Variants in KCNK5 observed in about 807,000 individuals in gnomAD.
KCNK5 encodes potassium two pore domain channel subfamily K member 5, also known as potassium channel subfamily K member 5.
Under a neutral mutation model 32.9 loss-of-function variants are expected in KCNK5, and 18 were observed. The ratio of observed to expected loss-of-function variants is 0.55; its 90% CI spans 0.38 to 0.81. The LOEUF (loss-of-function observed/expected upper bound fraction) is 0.81. KCNK5 is among the 30% of genes least tolerant of loss of function. The pLI is 0.00. For synonymous variants in KCNK5, 276 were observed against 275.3 expected (o/e 1.00, Z -0.03); for missense variants, 507 against 651.0 (o/e 0.78, Z 2.41).
At chr6:39,204,433 C>T (rs902215629) in intron 1 of KCNK5, among the ~76,000 whole-genome samples, 7 of 152,222 alleles carry the variant, frequency 4.6e-5, no homozygotes, top group African/African-American at 1.7e-4. Flanking sequence ...CAGGTGATAC[C>T]TCCCCTACCT....
Position 39,228,959 on chromosome 6 carries a change from G to C in KCNK5, c.153C>G (p.Cys51Trp). ...QKLHLLKEFP[C>W]LGQEGLDKIL... ...TCTTGTCCAGGCCCTCCTGACCCAG[G>C]CACGGGAACTCCTTGAGCAGATGCA... Residue 51 changes from cysteine (C) to tryptophan (W), a missense_variant, in exon 1 of 5, where the codon TGC (cysteine) becomes TGG (tryptophan). This residue lies in a region of KCNK5 where 143 missense variants were observed against 219.1 expected (regional missense o/e 0.65). Transcript: ENST00000359534. The C allele has an allele frequency of 6.2e-7, 1 of 1,614,164 alleles. No individual in the cohort carries two copies. Among genetic ancestry groups the C allele is most frequent in the Non-Finnish European group, 8.5e-7 (1 of 1,180,018 alleles).
chr6:39,214,720 G>C (rs1262837516), intron 1 of KCNK5, among the ~76,000 whole-genome samples: 1 of 152,132 alleles, frequency 6.6e-6, no homozygotes, highest in African/African-American at 2.4e-5. Flanking sequence ...CTCTGACACG[G>C]GGCAGGGGAG....
In KCNK5 at chr6:39,190,038, A is replaced by T. The variant is rs1348353339; in HGVS notation, c.*852T>A. 1.3e-5 allele frequency: 2 copies of T among 152,564 alleles called. No individual in the cohort carries two copies. The highest frequency in any genetic ancestry group is 4.8e-5 in the African/African-American group (2 of 41,450). 9.5% of individuals were successfully genotyped at this position (152,564 alleles called of 1,614,324 possible). ...AGGAGGGGTAAGGGCAGAACCAGCCAGAGCTGAGCCTCACTCTTGCAGCTC... is the reference window on the plus strand; with the variant it reads ...AGGAGGGGTAAGGGCAGAACCAGCCTGAGCTGAGCCTCACTCTTGCAGCTC... On this transcript the variant is annotated 3_prime_UTR_variant, in exon 5 of 5. Coordinates refer to ENST00000359534, the MANE Select transcript of KCNK5 (RefSeq NM_003740.4).
intron 1 of KCNK5, among the ~76,000 whole-genome samples, chr6:39,214,459 A>G (rs1463772125): frequency 6.6e-6 from 1 of 152,018 alleles, no homozygotes; most frequent in African/African-American, 2.4e-5. Flanking sequence ...AGTTTTCCAG[A>G]TTGTTTCCCA....
chr6:39,206,760 G>A (rs190973677), intron 1 of KCNK5, among the ~76,000 whole-genome samples: 1 of 152,118 alleles, frequency 6.6e-6, no homozygotes, highest in Non-Finnish European at 1.5e-5. Flanking sequence ...GGGTTACCTG[G>A]GGCATGTCTT....
chr6:39,211,272 A>G (rs1036402901), intron 1 of KCNK5, among the ~76,000 whole-genome samples: 6 of 152,318 alleles, frequency 3.9e-5, no homozygotes, highest in Non-Finnish European at 7.3e-5. Context: ...TCAGAGATCA[A>G]TGAAAAAGGA....
chr6:39,228,946 C>A lies in KCNK5; in HGVS notation c.166G>T (p.Gly56Cys). ...LKEFPCLGQE[G>C]LDKILEVVSD... ...CTGACCTCTAGGATCTTGTCCAGGC[C>A]CTCCTGACCCAGGCACGGGAACTCC... Residue 56 changes from glycine (G) to cysteine (C), a missense_variant, in exon 1 of 5, where the codon GGC becomes TGC. Physicochemically the swap from Gly to Cys is radical, Grantham distance 159. Transcript: ENST00000359534. 6.2e-7 allele frequency: 1 copy of A among 1,614,150 alleles called. No individual in the cohort carries two copies. The highest frequency in any genetic ancestry group is 8.5e-7 in the Non-Finnish European group (1 of 1,180,016).
intron 1 of KCNK5, among the ~76,000 whole-genome samples, chr6:39,213,883 G>A (rs140489712): frequency 0.013 from 1,942 of 152,194 alleles, 48 homozygotes; most frequent in African/African-American, 0.045. Flanking sequence ...AAAATTAGCC[G>A]GGTGTGGTGG....
intron 1 of KCNK5, among the ~76,000 whole-genome samples, chr6:39,222,920 C>T (rs1401180075): frequency 2.0e-5 from 3 of 152,146 alleles, no homozygotes; most frequent in Non-Finnish European, 2.9e-5. Flanking sequence ...GGTATAATTT[C>T]AGTTTTGCAA....
At chr6:39,217,118 CAAA>C (rs57204833) in intron 1 of KCNK5, among the ~76,000 whole-genome samples, 106 of 74,436 alleles carry the variant, frequency 1.4e-3, no homozygotes, top group Non-Finnish European at 2.1e-3. Context: ...AAAACTCCAT[CAAA>C]AAAAAAAAAA....
intron 1 of KCNK5, among the ~76,000 whole-genome samples, chr6:39,205,957 A>T (rs1336496699): frequency 6.6e-6 from 1 of 151,960 alleles, no homozygotes; most frequent in African/African-American, 2.4e-5. Context: ...CCCCACCAAA[A>T]CCCCACATTC....
chr6:39,215,464 C>T (rs577587503), intron 1 of KCNK5, among the ~76,000 whole-genome samples: 64 of 152,270 alleles, frequency 4.2e-4, no homozygotes, highest in African/African-American at 1.5e-3. Context: ...ACGTCTTTCT[C>T]CTCCAGAGAG....
chr6:39,204,233 A>G (rs1049473476), intron 1 of KCNK5, among the ~76,000 whole-genome samples: 3 of 152,248 alleles, frequency 2.0e-5, no homozygotes, highest in Non-Finnish European at 4.4e-5. Flanking sequence ...AGAAGAAGGC[A>G]GGCAGGCCAA....
rs150611486 is a variant in KCNK5 at position 39,221,528 on chromosome 6, C to G, written c.186+7398G>C. On this transcript the variant is annotated intron_variant, in intron 1 of 4. Transcript: ENST00000359534. ...AACATCCCAGCCCAATGTCTGGCAC[C>G]TGGTAGGCACTCCACAGAATGCTCA... Among the ~76,000 whole-genome samples the G allele has an allele frequency of 1.3e-3, 195 of 152,358 alleles. 2 individuals are homozygous for G. The highest frequency in any genetic ancestry group is 4.4e-3 in the African/African-American group (185 of 41,578).
At chr6:39,223,213 A>G (rs1334031591) in intron 1 of KCNK5, among the ~76,000 whole-genome samples, 1 of 152,208 alleles carries the variant, frequency 6.6e-6, no homozygotes, top group Non-Finnish European at 1.5e-5. Flanking sequence ...ACGATGTGCC[A>G]TACACTATTC....
intron 1 of KCNK5, among the ~76,000 whole-genome samples, chr6:39,227,888 T>G (rs548778967): frequency 1.1e-4 from 17 of 152,280 alleles, no homozygotes; most frequent in African/African-American, 4.1e-4. Context: ...TCTTTCACCC[T>G]GAGAGCAAGG....
intron 4 of KCNK5, among the ~76,000 whole-genome samples, chr6:39,193,876 G>A (rs1298053421): frequency 6.6e-6 from 1 of 152,168 alleles, no homozygotes; most frequent in East Asian, 1.9e-4. Context: ...CCCCCATGAA[G>A]CCAAGCTCAG....
At chr6:39,206,506 T>A (rs961668852) in intron 1 of KCNK5, among the ~76,000 whole-genome samples, 1 of 152,174 alleles carries the variant, frequency 6.6e-6, no homozygotes, top group African/African-American at 2.4e-5. Flanking sequence ...TGCTGACTCA[T>A]CACCTTCCCA....
chr6:39,220,481 T>C (rs1398708155), intron 1 of KCNK5, among the ~76,000 whole-genome samples: 1 of 152,096 alleles, frequency 6.6e-6, no homozygotes, highest in African/African-American at 2.4e-5. Context: ...AGAATACCCA[T>C]GAGACCATCT....
Sources: allele counts gnomAD v4.1 joint callset (sites outside exome capture counted in the v4.1 genomes callset), GRCh38; gene constraint gnomAD v4.1.1; regional missense constraint gnomAD v4.1.1; transcripts MANE v1.5; gene names NCBI Gene and HGNC (gene_info 2026-07-23, HGNC 2026-07-21).